The following MDFIC variants were observed in gnomAD, a reference collection of about 807,000 sequenced individuals.
MDFIC encodes myoD family inhibitor domain-containing protein.
MDFIC carries 17 observed loss-of-function variants against 23.2 expected under a neutral mutation model. The observed-to-expected ratio is 0.73, with a 90% confidence interval of 0.50 to 1.10. MDFIC has a LOEUF of 1.10. MDFIC is among the 50% of genes least tolerant of loss of function. The probability of loss-of-function intolerance (pLI) is 0.00; values close to 1 mark genes in which losing one functional copy is unlikely to be tolerated. For synonymous variants in MDFIC, 120 were observed against 115.2 expected, an observed-to-expected ratio of 1.04 and a Z score of -0.27; for missense variants, 356 against 316.6, an observed-to-expected ratio of 1.12 and a Z score of -0.95.
rs6950016 is a variant in MDFIC, at chr7:115,018,909, C to T, written c.*2974C>T. ...TTATGTAAATCACATGACTCATGTC[C>T]GTAAATGAACTATGAAAGATATCGA... is the stretch of plus-strand genomic sequence containing the variant. On this transcript the variant is annotated 3_prime_UTR_variant, in exon 5 of 5. Coordinates refer to ENST00000393486, the MANE Select transcript of MDFIC (RefSeq NM_001166345.3). The T allele has an allele frequency of 6.9e-3, 1,041 of 151,842 alleles. 10 individuals are homozygous for T. The highest frequency in any genetic ancestry group is 0.024 in the African/African-American group (987 of 41,436). 9.4% of individuals were successfully genotyped at this position (151,842 alleles called of 1,614,324 possible). A position where few individuals can be genotyped will look rare whatever the true frequency, so the allele number is the denominator to read the frequency against.
At chr7:114,947,404 A>T (rs1238947905) in intron 3 of MDFIC, among the ~76,000 whole-genome samples, 1 of 152,068 alleles carries the variant, frequency 6.6e-6, no homozygotes, top group African/African-American at 2.4e-5. Flanking sequence ...TTAGAGGAGG[A>T]TCTTTATGGT....
At chr7:114,983,169 G>T (rs1239427348) in intron 4 of MDFIC, among the ~76,000 whole-genome samples, 2 of 152,124 alleles carry the variant, frequency 1.3e-5, no homozygotes, top group Admixed American at 6.5e-5. Context: ...AAAGGCAAAT[G>T]AGCAAACAAG....
At chr7:115,013,344 GA>G (rs34241828) in intron 4 of MDFIC, among the ~76,000 whole-genome samples, 60,528 of 152,018 alleles carry the variant, frequency 0.4, 13,624 homozygotes, top group East Asian at 0.78. Context: ...TCTAAGGCTG[GA>G]ACGAGACATT....
intron 2 of MDFIC, among the ~76,000 whole-genome samples, chr7:114,926,728 C>T (rs1354273880): frequency 6.6e-6 from 1 of 152,112 alleles, no homozygotes; most frequent in Non-Finnish European, 1.5e-5. Context: ...GTTGAAATTA[C>T]ATAAGAAGAG....
At chr7:114,925,623 C>T (rs1466966654) in intron 2 of MDFIC, among the ~76,000 whole-genome samples, 3 of 152,182 alleles carry the variant, frequency 2.0e-5, no homozygotes, top group African/African-American at 7.2e-5. Flanking sequence ...GGATAGATGT[C>T]AGACAGTATG....
At chr7:114,953,242 GT>G (rs1194452148) in intron 3 of MDFIC, among the ~76,000 whole-genome samples, 14 of 152,004 alleles carry the variant, frequency 9.2e-5, no homozygotes, top group Admixed American at 8.5e-4. Context: ...CATGTAACTT[GT>G]TTTTTGATTT....
chr7:115,006,790 T>C (rs1435639017), intron 4 of MDFIC, among the ~76,000 whole-genome samples: 2 of 152,318 alleles, frequency 1.3e-5, no homozygotes, highest in Middle Eastern at 3.4e-3. Flanking sequence ...TGATCCTTTC[T>C]GGGAAAATGT....
intron 2 of MDFIC, among the ~76,000 whole-genome samples, chr7:114,931,884 CTA>C (rs1792314760): frequency 6.6e-6 from 1 of 152,176 alleles, no homozygotes; most frequent in Admixed American, 6.5e-5. Context: ...CTCTCTGAAA[CTA>C]GGTGGCAGAG....
chr7:114,983,718 C>T (rs1392025874), intron 4 of MDFIC, among the ~76,000 whole-genome samples: 1 of 151,844 alleles, frequency 6.6e-6, no homozygotes, highest in South Asian at 2.1e-4. Context: ...CAGGCGCCCA[C>T]CACCACGCCT....
chr7:115,015,243 G>A lies in MDFIC; in HGVS notation c.494-445G>A, dbSNP rs148519499. On this transcript the variant is annotated intron_variant, in intron 4 of 4. Coordinates refer to ENST00000393486, the MANE Select transcript of MDFIC (RefSeq NM_001166345.3). ...TATAAAACATTTCTTATTTAAGTTT[G>A]TTCTTTTCCAATTTTAGAGCAGGTG... Among the ~76,000 whole-genome samples the A allele has an allele frequency of 2.1e-3, 318 of 152,220 alleles. 5 individuals are homozygous for A. Among genetic ancestry groups the A allele is most frequent in the African/African-American group, 7.4e-3 (306 of 41,544 alleles).
At chr7:114,926,200 C>T (rs897609079) in intron 2 of MDFIC, among the ~76,000 whole-genome samples, 1 of 152,140 alleles carries the variant, frequency 6.6e-6, no homozygotes, top group African/African-American at 2.4e-5. Context: ...GAATTAAGTG[C>T]TTCTTTCATA....
In MDFIC at chr7:114,936,041, A is replaced by T. The variant is rs117909301; in HGVS notation, c.95-6234A>T. ...GTGCTTTCCTGTCTTGATTTCATTT[A>T]TTTCCACATCCACCTTACGAGGTAG... On this transcript the variant is annotated intron_variant, in intron 2 of 4. Transcript: ENST00000393486. 1.2e-3 allele frequency among the ~76,000 whole-genome samples: 179 copies of T among 152,220 alleles called. 1 individual carries two copies. The highest frequency in any genetic ancestry group is 8.1e-3 in the East Asian group (42 of 5,186).
chr7:114,961,439 G>A (rs2115864639), intron 3 of MDFIC, among the ~76,000 whole-genome samples: 1 of 152,232 alleles, frequency 6.6e-6, no homozygotes, highest in East Asian at 1.9e-4. Context: ...CACTAGTATA[G>A]TTAATAATTG....
chr7:114,993,417 T>G (rs947781315), intron 4 of MDFIC, among the ~76,000 whole-genome samples: 12 of 152,252 alleles, frequency 7.9e-5, no homozygotes, highest in African/African-American at 2.9e-4. Flanking sequence ...TTGCTCTTGC[T>G]TCTCTAGTTC....
intron 3 of MDFIC, among the ~76,000 whole-genome samples, chr7:114,949,928 A>G (rs2115803974): frequency 6.6e-6 from 1 of 152,330 alleles, no homozygotes; most frequent in African/African-American, 2.4e-5. Flanking sequence ...GCACACCTAC[A>G]GTTCTAGAGG....
intron 4 of MDFIC, among the ~76,000 whole-genome samples, chr7:115,004,542 G>C (rs1482257323): frequency 1.3e-5 from 2 of 152,204 alleles, no homozygotes; most frequent in Non-Finnish European, 2.9e-5. Flanking sequence ...AACAGTTATG[G>C]CACTGTATTG....
At chr7:114,982,525 A>G (rs1793435901) in intron 4 of MDFIC, among the ~76,000 whole-genome samples, 1 of 151,480 alleles carries the variant, frequency 6.6e-6, no homozygotes, top group Non-Finnish European at 1.5e-5. Context: ...TCTCATCTCT[A>G]CAAAAAAGAA....
intron 3 of MDFIC, among the ~76,000 whole-genome samples, chr7:114,968,403 A>T (rs1241881152): frequency 6.6e-6 from 1 of 152,230 alleles, no homozygotes; most frequent in African/African-American, 2.4e-5. Context: ...TGTCTATCAC[A>T]TATAAAGAAG....
At chr7:114,924,344 C>T (rs1475122925) in intron 2 of MDFIC, among the ~76,000 whole-genome samples, 1 of 152,200 alleles carries the variant, frequency 6.6e-6, no homozygotes, top group African/African-American at 2.4e-5. Context: ...TGTTTATGCT[C>T]ACACTTGAGC....
Sources: gnomAD v4.1 joint callset for allele counts (sites outside exome capture counted in the v4.1 genomes callset) on GRCh38, gnomAD v4.1.1 for gene constraint, MANE v1.5 for transcripts, NCBI Gene and HGNC (gene_info 2026-07-23, HGNC 2026-07-21) for gene names.